KCNK4: variants seen among roughly 807,000 people sequenced by gnomAD.
KCNK4 encodes potassium channel subfamily K member 4.
In KCNK4, 22 loss-of-function variants were observed where a neutral mutation model predicts 28.8. That is an observed-to-expected ratio of 0.76 (90% CI 0.55 to 1.09). KCNK4 has a LOEUF of 1.09. Among genes scored for constraint, KCNK4 ranks in the 50% least tolerant of loss-of-function variants. KCNK4 has a pLI of 0.00. For synonymous variants in KCNK4, 263 were observed against 252.9 expected, an observed-to-expected ratio of 1.04 and a Z score of -0.38; for missense variants, 483 against 546.3, an observed-to-expected ratio of 0.88 and a Z score of 1.15.
At chr11:64,297,444 CT>C in intron 4 of KCNK4, 22 bp from the exon 5 acceptor site, 1 of 1,613,076 alleles carries the variant, frequency 6.2e-7, no homozygotes, top group Non-Finnish European at 8.5e-7. Flanking sequence ...CTCCTGGGTC[CT>C]GCCTACTGCC....
intron 1 of KCNK4, among the ~76,000 whole-genome samples, chr11:64,292,454 C>A (rs1016417247): frequency 2.6e-5 from 4 of 152,156 alleles, no homozygotes; most frequent in African/African-American, 9.6e-5. Flanking sequence ...CGAGAGGGGA[C>A]GGAGAAGCCG....
In KCNK4 at chr11:64,299,339, C is replaced by A; in HGVS notation, c.802-7C>A. The A allele has an allele frequency of 6.5e-7, 1 of 1,535,894 alleles. No homozygotes were observed. The highest frequency in any genetic ancestry group is 1.2e-5 in the South Asian group (1 of 80,932). ...CTAGTCGAGGGCTGCTTTCCCTCTC[C>A]GTGCAGATGGGCGGCCTCACGGCTC... On this transcript the variant is annotated splice_region_variant and splice_polypyrimidine_tract_variant and intron_variant, in intron 6 of 6. Transcript: ENST00000422670.
In KCNK4 at chr11:64,292,972, G is replaced by C. The variant is rs778681600; in HGVS notation, c.-47G>C. 2 of 1,501,336 alleles carry C rather than the reference G, an allele frequency of 1.3e-6. No individual in the cohort carries two copies. Among genetic ancestry groups the C allele is most frequent in the Non-Finnish European group, 1.8e-6 (2 of 1,128,076 alleles). 93.0% of individuals were successfully genotyped at this position (1,501,336 alleles called of 1,614,324 possible). ...ACAGCTCCCCAGGAGCCCCCCGCCCGGCCCCTCCAGGCGGGCAGTGGAGCT... is the reference window on the plus strand; with the variant it reads ...ACAGCTCCCCAGGAGCCCCCCGCCCCGCCCCTCCAGGCGGGCAGTGGAGCT... On this transcript the variant is annotated 5_prime_UTR_variant, in exon 2 of 7. Transcript: ENST00000422670.
Position 64,299,405 on chromosome 11 carries a change from C to A in KCNK4, c.861C>A (p.Thr287=). ...CTGGCACGGTGACAGCGCGCGTGAC[C>A]CAGCGAGCCGGGCCCGCCGCCCCGC... is the stretch of plus-strand genomic sequence containing the variant. ...SWTGTVTARV[T]QRAGPAAPPP... The change falls in exon 7 of 7, where the codon ACC becomes ACA. Residue 287 remains threonine (T), a synonymous_variant. Transcript: ENST00000422670. The A allele has an allele frequency of 6.4e-7, 1 of 1,573,376 alleles. No individual in the cohort carries two copies. Among genetic ancestry groups the A allele is most frequent in the Non-Finnish European group, 8.6e-7 (1 of 1,162,344 alleles).
rs945213120 is a variant in KCNK4 at position 64,292,971 on chromosome 11, C to T, written c.-48C>T. ...GACAGCTCCCCAGGAGCCCCCCGCC[C>T]GGCCCCTCCAGGCGGGCAGTGGAGC... On this transcript the variant is annotated 5_prime_UTR_variant, in exon 2 of 7. Transcript: ENST00000422670. 62 of 1,501,114 alleles carry T rather than the reference C, an allele frequency of 4.1e-5. No individual in the cohort carries two copies. Among genetic ancestry groups the T allele is most frequent in the Middle Eastern group, 2.4e-4 (1 of 4,222 alleles). 93.0% of individuals were successfully genotyped at this position (1,501,114 alleles called of 1,614,324 possible). A position where few individuals can be genotyped will look rare whatever the true frequency, so the allele number is the denominator to read the frequency against.
At chr11:64,297,806 C>T (rs1281284584) in intron 5 of KCNK4, among the ~76,000 whole-genome samples, 153 bp downstream of exon 5, 3 of 152,212 alleles carry the variant, frequency 2.0e-5, no homozygotes, top group African/African-American at 7.2e-5. Context: ...CACACACCAG[C>T]GCCTTATGCA....
intron 1 of KCNK4, chr11:64,292,212 G>A (rs2034647776): frequency 3.6e-6 from 2 of 557,188 alleles, no homozygotes; most frequent in South Asian, 1.6e-4. Flanking sequence ...GCGCGTGCCG[G>A]GGCGTGTGTG....
chr11:64,299,999 G>A lies in KCNK4; in HGVS notation c.*273G>A, dbSNP rs1420330614. Reference sequence around the variant, plus strand: ...AAAGCCTGCATCAATAAATGAAAACGGTCTGCACCGCTGCGGGCGTGACGC... The same window carrying A: ...AAAGCCTGCATCAATAAATGAAAACAGTCTGCACCGCTGCGGGCGTGACGC... On this transcript the variant is annotated 3_prime_UTR_variant, in exon 7 of 7. Transcript: ENST00000422670. 1 of 634,370 alleles carries A rather than the reference G, an allele frequency of 1.6e-6. No individual in the cohort carries two copies. The highest frequency in any genetic ancestry group is 2.7e-6 in the Non-Finnish European group (1 of 368,316). The allele number at this position is 634,370 out of a possible 1,614,324, so 39.3% of individuals were successfully genotyped here. A position where few individuals can be genotyped will look rare whatever the true frequency, so the allele number is the denominator to read the frequency against.
chr11:64,299,429 G>T lies in KCNK4; in HGVS notation c.885G>T (p.Pro295=), dbSNP rs755074316. The T allele has an allele frequency of 1.3e-6, 2 of 1,585,538 alleles. No individual in the cohort carries two copies. The highest frequency in any genetic ancestry group is 1.7e-6 in the Non-Finnish European group (2 of 1,168,736). ...RVTQRAGPAA[P]PPEKEQPLLP... ...CCCAGCGAGCCGGGCCCGCCGCCCCGCCGCCGGAGAAGGAGCAGCCACTGC... is the reference window on the plus strand; with the variant it reads ...CCCAGCGAGCCGGGCCCGCCGCCCCTCCGCCGGAGAAGGAGCAGCCACTGC... The change falls in exon 7 of 7, where the codon CCG becomes CCT. Residue 295 remains proline (P), a synonymous_variant. Coordinates refer to ENST00000422670, the MANE Select transcript of KCNK4 (RefSeq NM_033310.3).
At chr11:64,297,421 G>A in intron 4 of KCNK4, 46 bp from the exon 5 acceptor site, 3 of 1,605,206 alleles carry the variant, frequency 1.9e-6, no homozygotes, top group African/African-American at 1.3e-5. Context: ...ATGGGAGTGG[G>A]GATTGTTGGT....
At chr11:64,297,776 T>A in intron 5 of KCNK4, 123 bp downstream of exon 5, 1 of 1,010,942 alleles carries the variant, frequency 9.9e-7, no homozygotes, top group Non-Finnish European at 1.4e-6. Flanking sequence ...CATCATGGAA[T>A]GCACCATCAC....
At chr11:64,299,121 T>C (rs1173554944) in intron 6 of KCNK4, among the ~76,000 whole-genome samples, 2 of 151,672 alleles carry the variant, frequency 1.3e-5, no homozygotes, top group Non-Finnish European at 2.9e-5. Context: ...AAATTTTATT[T>C]GTTGTTTCTC....
At position 64,299,637 on chromosome 11, in the gene KCNK4, C is replaced by T. The variant is rs1169415668; in HGVS notation, c.1093C>T (p.Pro365Ser). The part of the protein sequence containing the change: ...SERGCPLPRA[P>S]RGRRRPNPPR... The stretch of plus-strand genomic sequence containing the variant: ...GCGCGGCTGCCCGCTGCCCCGCGCG[C>T]CGAGAGGTCGCCGCCGCCCAAATCC... Residue 365 changes from proline to serine, a missense_variant, in exon 7 of 7, where the codon CCG (proline) becomes TCG (serine). Physicochemically the swap from Pro to Ser is moderately conservative, Grantham distance 74. Coordinates refer to ENST00000422670, the MANE Select transcript of KCNK4 (RefSeq NM_033310.3). 1 of 1,607,372 alleles carries T rather than the reference C, an allele frequency of 6.2e-7. No individual in the cohort carries two copies. The highest frequency in any genetic ancestry group is 1.1e-5 in the South Asian group (1 of 90,746).
chr11:64,299,368 C>A lies in KCNK4; in HGVS notation c.824C>A (p.Ala275Asp). The A allele has an allele frequency of 6.4e-7, 1 of 1,569,448 alleles. No homozygotes were observed. The highest frequency in any genetic ancestry group is 8.6e-7 in the Non-Finnish European group (1 of 1,160,534). ...RAEMGGLTAQ[A>D]ASWTGTVTAR... ...CAGATGGGCGGCCTCACGGCTCAGGCTGCCAGCTGGACTGGCACGGTGACA... is the reference window on the plus strand; with the variant it reads ...CAGATGGGCGGCCTCACGGCTCAGGATGCCAGCTGGACTGGCACGGTGACA... Residue 275 changes from alanine to aspartate, a missense_variant, in exon 7 of 7, where the codon GCT becomes GAT. By Grantham distance (126) the Ala-to-Asp change is moderately radical. Coordinates refer to ENST00000422670, the MANE Select transcript of KCNK4 (RefSeq NM_033310.3).
rs1427530956 is a variant in KCNK4 at position 64,299,609 on chromosome 11, C to A, written c.1065C>A (p.Ser355Arg). The A allele has an allele frequency of 6.2e-7, 1 of 1,609,356 alleles. No homozygotes were observed. The highest frequency in any genetic ancestry group is 1.3e-5 in the African/African-American group (1 of 74,598). The change falls in exon 7 of 7, where the codon AGC (serine) becomes AGA (arginine). Residue 355 changes from serine (S) to arginine (R), a missense_variant. By Grantham distance (110) the Ser-to-Arg change is moderately radical (BLOSUM62 -1). Coordinates refer to ENST00000422670, the MANE Select transcript of KCNK4 (RefSeq NM_033310.3). ...AFIDESSDTQ[S>R]ERGCPLPRAP... ...TCGACGAGTCCTCGGATACGCAGAGCGAGCGCGGCTGCCCGCTGCCCCGCG... is the reference window on the plus strand; with the variant it reads ...TCGACGAGTCCTCGGATACGCAGAGAGAGCGCGGCTGCCCGCTGCCCCGCG...
chr11:64,297,620 C>G lies in KCNK4; in HGVS notation c.628C>G (p.Leu210Val). 6.2e-7 allele frequency: 1 copy of G among 1,613,236 alleles called. No individual in the cohort carries two copies. Among genetic ancestry groups the G allele is most frequent in the Non-Finnish European group, 8.5e-7 (1 of 1,179,268 alleles). Residue 210 changes from leucine to valine, a missense_variant, in exon 5 of 7, where the codon CTT (leucine) becomes GTT (valine). Leu to Val is a conservative substitution (Grantham distance 32). Transcript: ENST00000422670. ...GGCCATCTACTTTGTCATAGTGACG[C>G]TTACCACCGTGGGCTTTGGCGACTA... ...LEAIYFVIVT[L>V]TTVGFGDYVA... is the part of the protein sequence containing the mutation.
intron 2 of KCNK4, 72 bp from the exon 3 acceptor site, chr11:64,296,806 C>A: frequency 4.1e-6 from 6 of 1,453,810 alleles, no homozygotes; most frequent in Non-Finnish European, 4.5e-6. Flanking sequence ...ACCCTAGAGA[C>A]TGGAGGGGCC....
At chr11:64,297,722 G>A (rs948092507) in intron 5 of KCNK4, 69 bp downstream of exon 5, 1 of 1,500,646 alleles carries the variant, frequency 6.7e-7, no homozygotes, top group African/African-American at 1.4e-5. Flanking sequence ...CTGCACTCCT[G>A]CCTTTCCCTC....
rs201841676 is a variant in KCNK4 at position 64,297,423 on chromosome 11, A to T, written c.475-44A>T. The T allele has an allele frequency of 4.4e-5, 71 of 1,604,370 alleles. 1 individual carries two copies. In the East Asian group the frequency reaches 1.6e-3, roughly 36 times the overall value. On this transcript the variant is annotated intron_variant, in intron 4 of 6. Coordinates refer to ENST00000422670, the MANE Select transcript of KCNK4 (RefSeq NM_033310.3). ...GGGAGTGGGGAGTATGGGAGTGGGG[A>T]TTGTTGGTGTCTCCTGGGTCCTGCC... is the stretch of plus-strand genomic sequence containing the variant.
Sources: gnomAD v4.1 joint callset for allele counts (sites outside exome capture counted in the v4.1 genomes callset) on GRCh38, gnomAD v4.1.1 for gene constraint, MANE v1.5 for transcripts, NCBI Gene and HGNC (gene_info 2026-07-23, HGNC 2026-07-21) for gene names.